The following LRRC4C variants were observed in gnomAD, a reference collection of about 807,000 sequenced individuals.
LRRC4C encodes leucine rich repeat containing 4C, also known as leucine-rich repeat-containing protein 4C.
Under a neutral mutation model 33.6 loss-of-function variants are expected in LRRC4C, and 5 were observed. That is an observed-to-expected ratio of 0.15 (90% CI 0.08 to 0.31). The LOEUF is 0.31. LRRC4C is among the 10% of genes least tolerant of loss of function. The pLI is 1.00. For synonymous variants in LRRC4C, 329 were observed against 302.0 expected (o/e 1.09, Z -0.93); for missense variants, 560 against 796.7 (o/e 0.70, Z 3.58).
At chr11:40,928,403 T>A (rs1957482632) in intron 2 of LRRC4C, among the ~76,000 whole-genome samples, 1 of 151,882 alleles carries the variant, frequency 6.6e-6, no homozygotes, top group Admixed American at 6.6e-5. Flanking sequence ...AGTTGGAAAA[T>A]TTTGAAAAAA....
intron 2 of LRRC4C, among the ~76,000 whole-genome samples, chr11:40,781,080 G>A (rs963133937): frequency 6.6e-6 from 1 of 152,076 alleles, no homozygotes; most frequent in Non-Finnish European, 1.5e-5. Context: ...CACACATAGA[G>A]TATATGGTAT....
chr11:40,225,984 G>A (rs1864766472), intron 5 of LRRC4C, among the ~76,000 whole-genome samples: 1 of 152,094 alleles, frequency 6.6e-6, no homozygotes, highest in Non-Finnish European at 1.5e-5. Context: ...ACTTCTAACT[G>A]AGAGACTACA....
chr11:40,296,787 G>A (rs1464753958), intron 4 of LRRC4C, among the ~76,000 whole-genome samples: 1 of 152,132 alleles, frequency 6.6e-6, no homozygotes, highest in African/African-American at 2.4e-5. Flanking sequence ...CAATGACAGA[G>A]TATGTGTTCA....
At chr11:41,140,123 G>A (rs1943438912) in intron 1 of LRRC4C, among the ~76,000 whole-genome samples, 1 of 152,166 alleles carries the variant, frequency 6.6e-6, no homozygotes, top group African/African-American at 2.4e-5. Flanking sequence ...TCATCCGTAA[G>A]ATGGCAGAAA....
rs188719583 is a variant in LRRC4C at position 41,437,867 on chromosome 11, G to A, written c.-496+21564C>T. 6.9e-3 allele frequency among the ~76,000 whole-genome samples: 1,046 copies of A among 151,952 alleles called. 13 individuals carry two copies. Among genetic ancestry groups the A allele is most frequent in the African/African-American group, 0.024 (982 of 41,462 alleles). On this transcript the variant is annotated intron_variant, in intron 1 of 6. Transcript: ENST00000528697. ...AGCCTGGCTAACATGGTGAAACCCC[G>A]TCTCTACTAAAAATACAAAAATTAG...
At chr11:40,675,258 G>GT (rs1944340728) in intron 2 of LRRC4C, among the ~76,000 whole-genome samples, 1 of 152,110 alleles carries the variant, frequency 6.6e-6, no homozygotes, top group South Asian at 2.1e-4. Flanking sequence ...AAGCATTTCA[G>GT]GAAAATGGCC....
intron 2 of LRRC4C, among the ~76,000 whole-genome samples, chr11:40,893,818 AAC>A (rs55810825): frequency 0.056 from 3,924 of 69,926 alleles, 161 homozygotes; most frequent in African/African-American, 0.1. Context: ...TACGTATTAT[AAC>A]ACACACACAC....
intron 5 of LRRC4C, among the ~76,000 whole-genome samples, chr11:40,156,350 C>T (rs11512272): frequency 0.094 from 14,320 of 151,948 alleles, 795 homozygotes; most frequent in South Asian, 0.17. Flanking sequence ...CTAGCCAGAG[C>T]AATAAGACAA....
At chr11:41,120,999 G>A (rs1274703204) in intron 1 of LRRC4C, among the ~76,000 whole-genome samples, 1 of 152,036 alleles carries the variant, frequency 6.6e-6, no homozygotes, top group Non-Finnish European at 1.5e-5. Flanking sequence ...CACTCTTCCT[G>A]TTAAGCCTGT....
At chr11:41,089,072 C>T (rs796206156) in intron 1 of LRRC4C, among the ~76,000 whole-genome samples, 29 of 152,004 alleles carry the variant, frequency 1.9e-4, no homozygotes, top group African/African-American at 6.7e-4. Context: ...ACATAAAATT[C>T]CACATTTCTA....
chr11:41,440,787 C>CCCT (rs1276172407), intron 1 of LRRC4C, among the ~76,000 whole-genome samples: 2 of 152,106 alleles, frequency 1.3e-5, no homozygotes, highest in Non-Finnish European at 2.9e-5. Context: ...GTCCAGAGCT[C>CCCT]CCTCCTTCTT....
At chr11:40,221,853 C>A (rs577876241) in intron 5 of LRRC4C, among the ~76,000 whole-genome samples, 1 of 152,134 alleles carries the variant, frequency 6.6e-6, no homozygotes. Flanking sequence ...CTCTCAAGTG[C>A]ACCCCCTTAG....
intron 5 of LRRC4C, among the ~76,000 whole-genome samples, chr11:40,225,912 C>A (rs1254778155): frequency 6.6e-6 from 1 of 152,176 alleles, no homozygotes. Flanking sequence ...AGCCACCACG[C>A]CCAGCCTATA....
rs200145684 is a variant in LRRC4C at position 40,527,244 on chromosome 11, CTA to C, written c.-270+120896_-270+120897del. Among the ~76,000 whole-genome samples the C allele has an allele frequency of 1.1e-3, 163 of 152,176 alleles. No homozygotes were observed. The East Asian group carries it at 0.029, about 27-fold the overall frequency. On this transcript the variant is annotated intron_variant, in intron 3 of 6. Transcript: ENST00000528697. ...CATAAAAATTCATCAAGCTATTCAC[CTA>C]TGTTTGTGCACTTGTCTGCAATATA...
At chr11:40,266,417 T>C (rs1306557694) in intron 4 of LRRC4C, among the ~76,000 whole-genome samples, 1 of 152,154 alleles carries the variant, frequency 6.6e-6, no homozygotes, top group Non-Finnish European at 1.5e-5. Flanking sequence ...CAGTGAGTCT[T>C]GATTGTGCCA....
intron 3 of LRRC4C, among the ~76,000 whole-genome samples, chr11:40,513,046 G>A (rs879387014): frequency 4.0e-5 from 6 of 151,652 alleles, no homozygotes; most frequent in African/African-American, 7.3e-5. Flanking sequence ...TCAGGAGATC[G>A]AGACCATCCT....
At chr11:41,100,994 A>T (rs1192068604) in intron 1 of LRRC4C, among the ~76,000 whole-genome samples, 1 of 151,922 alleles carries the variant, frequency 6.6e-6, no homozygotes, top group African/African-American at 2.4e-5. Context: ...GCCATATACA[A>T]AAGTCAACTC....
intron 2 of LRRC4C, among the ~76,000 whole-genome samples, chr11:40,700,654 C>A (rs891495256): frequency 1.3e-5 from 2 of 152,100 alleles, no homozygotes; most frequent in African/African-American, 4.8e-5. Context: ...TCTTGAAAAT[C>A]TGCTTCAAGT....
At chr11:40,871,036 T>C (rs1204684980) in intron 2 of LRRC4C, among the ~76,000 whole-genome samples, 2 of 152,062 alleles carry the variant, frequency 1.3e-5, no homozygotes, top group Non-Finnish European at 2.9e-5. Context: ...GTCGAAGCTG[T>C]AGGGATGAAA....
Sources: allele counts gnomAD v4.1 joint callset (sites outside exome capture counted in the v4.1 genomes callset), GRCh38; gene constraint gnomAD v4.1.1; transcripts MANE v1.5; gene names NCBI Gene and HGNC (gene_info 2026-07-23, HGNC 2026-07-21).